KIDINS220: variants seen among roughly 807,000 people sequenced by gnomAD.
KIDINS220 encodes kinase D-interacting substrate of 220 kDa.
KIDINS220 carries 63 observed loss-of-function variants against 157.6 expected under a neutral mutation model. That is an observed-to-expected ratio of 0.40 (90% CI 0.33 to 0.49). KIDINS220 has a LOEUF of 0.49. KIDINS220 is among the 20% of genes least tolerant of loss of function. The pLI is 0.66. For missense variants in KIDINS220, 1,772 were observed against 2,171.2 expected (o/e 0.82, Z 3.65); for synonymous variants, 732 against 783.6 (o/e 0.93, Z 1.10).
chr2:8,809,038 AGAGG>A (rs1675915666), intron 6 of KIDINS220, among the ~76,000 whole-genome samples: 1 of 151,800 alleles, frequency 6.6e-6, no homozygotes, highest in Admixed American at 6.6e-5. Flanking sequence ...TTTTTCTTTG[AGAGG>A]GAGTCTCACT....
At position 8,729,957 on chromosome 2, in the gene KIDINS220, G is replaced by T. The variant is rs1026115012; in HGVS notation, c.*763C>A. 1 of 985,336 alleles carries T rather than the reference G, an allele frequency of 1.0e-6. No individual in the cohort carries two copies. The highest frequency in any genetic ancestry group is 1.2e-6 in the Non-Finnish European group (1 of 829,914). 61.0% of individuals were successfully genotyped at this position (985,336 alleles called of 1,614,324 possible). A position where few individuals can be genotyped will look rare whatever the true frequency, so the allele number is the denominator to read the frequency against. On this transcript the variant is annotated 3_prime_UTR_variant, in exon 30 of 30. Transcript: ENST00000256707. The stretch of plus-strand genomic sequence containing the variant: ...CACCATTTAAAAGAGTTGGAGAACA[G>T]ACCAGGGTGGCTTCTTGGGCACAGC...
chr2:8,825,170 G>A (rs895039986), intron 2 of KIDINS220, among the ~76,000 whole-genome samples: 7 of 151,842 alleles, frequency 4.6e-5, no homozygotes, highest in South Asian at 2.1e-4. Context: ...TCAGGAGTTC[G>A]AGACCAGCCT....
At chr2:8,765,587 T>C (rs1473001334) in intron 22 of KIDINS220, among the ~76,000 whole-genome samples, 1 of 152,226 alleles carries the variant, frequency 6.6e-6, no homozygotes, top group Non-Finnish European at 1.5e-5. Flanking sequence ...CTTGCAGATG[T>C]TTAGAATAAC....
rs916773653 is a variant in KIDINS220 at position 8,757,480 on chromosome 2, C to T, written c.3012-5836G>A. On this transcript the variant is annotated intron_variant, in intron 22 of 29. Transcript: ENST00000256707. ...TTTCCAAAGGGATATGTGAGGCCGT[C>T]TTCATTTCAGAGGAGCAGAAGTGAC... The T allele has an allele frequency of 2.2e-6, 3 of 1,386,206 alleles. No individual in the cohort carries two copies. The Admixed American group carries it at 9.1e-5, about 42-fold the overall frequency. The allele number at this position is 1,386,206 out of a possible 1,614,324, so 85.9% of individuals were successfully genotyped here. A position where few individuals can be genotyped will look rare whatever the true frequency, so the allele number is the denominator to read the frequency against.
At chr2:8,790,884 GC>G (rs142789937) in intron 13 of KIDINS220, among the ~76,000 whole-genome samples, 175 bp downstream of exon 13, 2,707 of 152,312 alleles carry the variant, frequency 0.018, 27 homozygotes, top group Non-Finnish European at 0.026. Context: ...AATTGGATCT[GC>G]TTTAGAAAGA....
At chr2:8,768,849 C>G (rs2148149658) in intron 22 of KIDINS220, among the ~76,000 whole-genome samples, 1 of 152,246 alleles carries the variant, frequency 6.6e-6, no homozygotes, top group Admixed American at 6.5e-5. Flanking sequence ...TATAGTTTTT[C>G]ATTCCAAATC....
intron 8 of KIDINS220, among the ~76,000 whole-genome samples, chr2:8,801,570 C>T (rs1674703954): frequency 6.6e-6 from 1 of 152,138 alleles, no homozygotes. Flanking sequence ...AAAAATCATA[C>T]AAACACTATG....
intron 11 of KIDINS220, among the ~76,000 whole-genome samples, 177 bp downstream of exon 11, chr2:8,796,594 T>C (rs1349529511): frequency 1.3e-5 from 2 of 152,168 alleles, no homozygotes; most frequent in Non-Finnish European, 2.9e-5. Flanking sequence ...AATAGCACAC[T>C]GAGCCCACCC....
At chr2:8,738,609 A>C (rs1170492875) in intron 26 of KIDINS220, among the ~76,000 whole-genome samples, 1 of 152,240 alleles carries the variant, frequency 6.6e-6, no homozygotes, top group African/African-American at 2.4e-5. Context: ...GAAACATCAG[A>C]CAAACCCAAA....
At chr2:8,761,560 C>A (rs1160900296) in intron 22 of KIDINS220, among the ~76,000 whole-genome samples, 1 of 151,692 alleles carries the variant, frequency 6.6e-6, no homozygotes, top group Non-Finnish European at 1.5e-5. Context: ...GAATAGATAC[C>A]CATTCATTTG....
Position 8,793,865 on chromosome 2 carries a change from A to C in KIDINS220, c.1221T>G (p.Pro407=). The stretch of plus-strand genomic sequence containing the variant: ...TCTGATGGCTACAGTCAATATTATA[A>C]GGAGTCTCGCCTGCTTTGTTGGGCC... ...LYRPNKAGET[P]YNIDCSHQKS... Residue 407 remains proline, a synonymous_variant, in exon 12 of 30, where the codon CCT becomes CCG. Coordinates refer to ENST00000256707, the MANE Select transcript of KIDINS220 (RefSeq NM_020738.4). The C allele has an allele frequency of 1.9e-6, 3 of 1,613,518 alleles. No individual in the cohort carries two copies. Among genetic ancestry groups the C allele is most frequent in the Non-Finnish European group, 2.5e-6 (3 of 1,179,832 alleles).
chr2:8,834,041 C>T (rs1680033495), intron 1 of KIDINS220, among the ~76,000 whole-genome samples: 1 of 152,068 alleles, frequency 6.6e-6, no homozygotes, highest in Admixed American at 6.5e-5. Flanking sequence ...GAATGTGGCC[C>T]CTCCCATGGT....
intron 22 of KIDINS220, among the ~76,000 whole-genome samples, chr2:8,762,520 G>A (rs1409278239): frequency 1.3e-5 from 2 of 152,060 alleles, no homozygotes; most frequent in Non-Finnish European, 2.9e-5. Context: ...GGTAGATCAC[G>A]AGGTCAGGAG....
rs34199182 is a variant in KIDINS220, at chr2:8,811,295, G to GAA, written c.504+1098_504+1099dup. On this transcript the variant is annotated intron_variant, in intron 6 of 29. Transcript: ENST00000256707. ...TGGAAATAATGGAGGTACAAAATGG[G>GAA]AAAAAAAAAAAAAAAGAGCAGTCCT... 1.2e-3 allele frequency among the ~76,000 whole-genome samples: 168 copies of GAA among 139,580 alleles called. 1 individual carries two copies. Among genetic ancestry groups the GAA allele is most frequent in the Middle Eastern group, 7.5e-3 (2 of 268 alleles). The allele number at this position is 139,580 out of a possible 152,430, so 91.6% of individuals were successfully genotyped here.
intron 1 of KIDINS220, among the ~76,000 whole-genome samples, chr2:8,834,270 C>T (rs1414682465): frequency 6.6e-6 from 1 of 151,980 alleles, no homozygotes; most frequent in African/African-American, 2.4e-5. Flanking sequence ...CACTCAAAAT[C>T]CCAGATCCCT....
At chr2:8,825,849 G>A (rs1678705457) in intron 2 of KIDINS220, 1 of 152,164 alleles carries the variant, frequency 6.6e-6, no homozygotes, top group Non-Finnish European at 1.5e-5. Context: ...ACTCTGGGAG[G>A]CCTAGGTGGG....
chr2:8,732,087 T>C (rs1258553806), intron 29 of KIDINS220, 105 bp from the exon 30 acceptor site: 2 of 941,118 alleles, frequency 2.1e-6, no homozygotes, highest in Non-Finnish European at 2.9e-6. Flanking sequence ...TAAAAAGTCA[T>C]CAAAACATCA....
At position 8,798,218 on chromosome 2, in the gene KIDINS220, G is replaced by A; in HGVS notation, c.983C>T (p.Thr328Ile). Residue 328 changes from threonine to isoleucine, a missense_variant, in exon 10 of 30, where the codon ACT becomes ATT. By Grantham distance (89) the Thr-to-Ile change is moderately conservative (BLOSUM62 -1). This residue lies in a region of KIDINS220 where 725 missense variants were observed against 1,017.1 expected (regional missense o/e 0.71). Transcript: ENST00000256707. The part of the protein sequence containing the change: ...VRDILQCNPD[T>I]EICTKDGETP... ...CATTTATACCTTTGTGCATATTTCA[G>A]TGTCAGGATTGCACTGTAAGATATC... 1.2e-6 allele frequency: 2 copies of A among 1,603,614 alleles called. No individual in the cohort carries two copies. Among genetic ancestry groups the A allele is most frequent in the Non-Finnish European group, 1.7e-6 (2 of 1,170,616 alleles).
intron 26 of KIDINS220, chr2:8,746,471 CTTTTTGTTTTTTTT>C (rs1029256767): frequency 2.5e-5 from 3 of 119,350 alleles, no homozygotes; most frequent in Non-Finnish European, 6.0e-5. Flanking sequence ...TTGTTTTTTT[CTTTTTGTTTTTTTT>C]TTTTAAAGAA....
Sources: allele counts gnomAD v4.1 joint callset (sites outside exome capture counted in the v4.1 genomes callset), GRCh38; gene constraint gnomAD v4.1.1; regional missense constraint gnomAD v4.1.1; transcripts MANE v1.5; gene names NCBI Gene and HGNC (gene_info 2026-07-23, HGNC 2026-07-21).